The following CNTN6 variants were observed in gnomAD, a reference collection of about 807,000 sequenced individuals.
CNTN6 encodes the protein contactin 6, also known as contactin-6.
CNTN6 carries 137 observed loss-of-function variants against 122.8 expected under a neutral mutation model. The ratio of observed to expected loss-of-function variants is 1.12; its 90% confidence interval spans 0.97 to 1.29. The LOEUF is 1.29. CNTN6 is among the 50% of genes most tolerant of loss of function. CNTN6 has a pLI of 0.00. For missense variants in CNTN6, 1,634 were observed against 1,223.4 expected (o/e 1.34, Z -5.01); for synonymous variants, 570 against 426.0 (o/e 1.34, Z -4.16).
intron 5 of CNTN6, among the ~76,000 whole-genome samples, chr3:1,282,267 C>T (rs1693596815): frequency 7.4e-6 from 1 of 135,120 alleles, no homozygotes; most frequent in South Asian, 2.8e-4. Flanking sequence ...TGGATGCTTT[C>T]CACCCAGTTT....
Position 1,265,864 on chromosome 3 carries a change from CTA to C in CNTN6, c.359-12547_359-12546del, listed in dbSNP as rs569542335. Among the ~76,000 whole-genome samples, 774 of 152,076 alleles carry C rather than the reference CTA, an allele frequency of 5.1e-3. 5 individuals are homozygous for C. The highest frequency in any genetic ancestry group is 8.5e-3 in the Non-Finnish European group (581 of 67,998). ...TTGAAATATCAATGTACTGTCTGTA[CTA>C]TGTTTTATTTTTCCCAAATTGCTTT... On this transcript the variant is annotated intron_variant, in intron 4 of 22. Transcript: ENST00000446702.
chr3:1,156,584 G>T (rs1177142402), intron 2 of CNTN6, among the ~76,000 whole-genome samples: 1 of 152,060 alleles, frequency 6.6e-6, no homozygotes, highest in African/African-American at 2.4e-5. Flanking sequence ...CGATATTTGA[G>T]TCTCAGACTT....
chr3:1,142,907 C>T (rs2092640698), intron 1 of CNTN6, among the ~76,000 whole-genome samples: 1 of 147,476 alleles, frequency 6.8e-6, no homozygotes, highest in Non-Finnish European at 1.5e-5. Flanking sequence ...TATTTGCATG[C>T]ATATACATAT....
intron 17 of CNTN6, among the ~76,000 whole-genome samples, chr3:1,380,566 A>G (rs891859113): frequency 1.3e-5 from 2 of 152,184 alleles, no homozygotes; most frequent in African/African-American, 4.8e-5. Context: ...CTATAGAGTA[A>G]GAGATACATA....
chr3:1,314,212 A>G (rs1699787656), intron 7 of CNTN6, among the ~76,000 whole-genome samples: 1 of 152,112 alleles, frequency 6.6e-6, no homozygotes, highest in South Asian at 2.1e-4. Flanking sequence ...TTACATTCCA[A>G]GCTCTTTGTA....
At chr3:1,243,586 G>A (rs373812225) in intron 4 of CNTN6, among the ~76,000 whole-genome samples, 7,379 of 149,512 alleles carry the variant, frequency 0.049, 257 homozygotes, top group East Asian at 0.13. Context: ...GGTTGCTGCC[G>A]AGCGAGCCAT....
chr3:1,344,288 C>G (rs982859662), intron 11 of CNTN6, among the ~76,000 whole-genome samples: 3 of 152,112 alleles, frequency 2.0e-5, no homozygotes, highest in African/African-American at 7.2e-5. Flanking sequence ...TCACTTCAAG[C>G]CATAGTCACA....
rs373286622 is a variant in CNTN6 at position 1,294,051 on chromosome 3, T to C, written c.455-1550T>C. 1.4e-3 allele frequency among the ~76,000 whole-genome samples: 211 copies of C among 152,286 alleles called. 2 individuals carry two copies. Among genetic ancestry groups the C allele is most frequent in the African/African-American group, 4.7e-3 (197 of 41,560 alleles). On this transcript the variant is annotated intron_variant, in intron 5 of 22. Coordinates refer to ENST00000446702, the MANE Select transcript of CNTN6 (RefSeq NM_001289080.2). Reference sequence around the variant, plus strand: ...ACAACCACTTTAAAAAATTCTTTTGTCATTTCTTATAAAGTTACACTTACA... The same window carrying C: ...ACAACCACTTTAAAAAATTCTTTTGCCATTTCTTATAAAGTTACACTTACA...
At chr3:1,370,575 G>T (rs906049634) in intron 12 of CNTN6, among the ~76,000 whole-genome samples, 2 of 152,078 alleles carry the variant, frequency 1.3e-5, no homozygotes, top group Admixed American at 6.6e-5. Context: ...ATCTGGTTAG[G>T]TGCAGTGATT....
At chr3:1,158,885 T>C (rs558722343) in intron 2 of CNTN6, among the ~76,000 whole-genome samples, 5 of 128,128 alleles carry the variant, frequency 3.9e-5, no homozygotes, top group African/African-American at 1.4e-4. Context: ...TACACATATA[T>C]ACACACATAT....
intron 12 of CNTN6, among the ~76,000 whole-genome samples, chr3:1,357,249 G>T (rs1009671619): frequency 2.6e-5 from 4 of 151,808 alleles, no homozygotes; most frequent in African/African-American, 9.7e-5. Flanking sequence ...AGTGGTTTAT[G>T]CCAGTTGAAG....
intron 7 of CNTN6, among the ~76,000 whole-genome samples, chr3:1,308,951 T>G (rs1189374613): frequency 2.0e-5 from 3 of 152,190 alleles, no homozygotes; most frequent in African/African-American, 7.2e-5. Flanking sequence ...GACGTCTGCT[T>G]ATATCTTTTC....
rs186757079 is a variant in CNTN6, at chr3:1,283,869, A to G, written c.454+5361A>G. ...ACAAAAATTAGCCGGGTGTGGTGGC[A>G]GGCGCCTGTAATCCCAGCTACTCTG... On this transcript the variant is annotated intron_variant, in intron 5 of 22. Transcript: ENST00000446702. Among the ~76,000 whole-genome samples the G allele has an allele frequency of 8.1e-3, 1,232 of 152,226 alleles. 23 individuals carry two copies. Among genetic ancestry groups the G allele is most frequent in the African/African-American group, 0.028 (1,180 of 41,538 alleles).
chr3:1,187,646 C>T (rs565187807), intron 2 of CNTN6, among the ~76,000 whole-genome samples: 2 of 152,276 alleles, frequency 1.3e-5, no homozygotes, highest in South Asian at 2.1e-4. Flanking sequence ...ATTGCCCCTA[C>T]CCAAAATTTG....
intron 1 of CNTN6, among the ~76,000 whole-genome samples, chr3:1,113,683 C>A (rs190461215): frequency 7.2e-4 from 109 of 152,232 alleles, no homozygotes; most frequent in African/African-American, 2.5e-3. Flanking sequence ...GGGATGGACT[C>A]AGGTAGTTAG....
At chr3:1,361,748 A>G (rs1707495123) in intron 12 of CNTN6, among the ~76,000 whole-genome samples, 1 of 152,150 alleles carries the variant, frequency 6.6e-6, no homozygotes, top group African/African-American at 2.4e-5. Context: ...TATTGTTAAA[A>G]TATTTAAAAA....
chr3:1,208,982 T>A (rs974563224), intron 2 of CNTN6, among the ~76,000 whole-genome samples: 1 of 152,182 alleles, frequency 6.6e-6, no homozygotes, highest in Non-Finnish European at 1.5e-5. Context: ...TATCACTGTG[T>A]GCTGGCAATA....
chr3:1,385,927 C>CTTAAATATGGATA, intron 20 of CNTN6, 130 bp downstream of exon 20: 1 of 806,882 alleles, frequency 1.2e-6, no homozygotes, highest in Non-Finnish European at 1.9e-6. Context: ...TGGTTTGTCC[C>CTTAAATATGGATA]TTAAATATGG....
rs781313944 is a variant in CNTN6, at chr3:1,352,492, A to G, written c.1492+41A>G. On this transcript the variant is annotated intron_variant, in intron 12 of 22. Transcript: ENST00000446702. ...CATTTGTGCTTGATGAACATTGTAA[A>G]TATGCAGGCATATTATGACTTGTGT... is the stretch of plus-strand genomic sequence containing the variant. The G allele has an allele frequency of 3.7e-6, 6 of 1,603,048 alleles. No individual in the cohort carries two copies. The East Asian group carries it at 6.7e-5, about 18-fold the overall frequency.
Sources: gnomAD v4.1 joint callset for allele counts (sites outside exome capture counted in the v4.1 genomes callset) on GRCh38, gnomAD v4.1.1 for gene constraint, MANE v1.5 for transcripts, NCBI Gene and HGNC (gene_info 2026-07-23, HGNC 2026-07-21) for gene names.